ASTN2: variants seen among roughly 807,000 people sequenced by gnomAD.
ASTN2 encodes astrotactin-2.
In ASTN2, 54 loss-of-function variants were observed where a neutral mutation model predicts 139.8. The observed-to-expected ratio is 0.39, with a 90% CI of 0.31 to 0.48. The LOEUF (loss-of-function observed/expected upper bound fraction) is 0.48. ASTN2 is among the 20% of genes least tolerant of loss of function. ASTN2 has a pLI of 0.95. For synonymous variants in ASTN2, 756 were observed against 719.5 expected (o/e 1.05, Z -0.81); for missense variants, 1,565 against 1,725.1 (o/e 0.91, Z 1.64).
chr9:117,200,068 A>G (rs1333393750), intron 3 of ASTN2, among the ~76,000 whole-genome samples: 2 of 150,000 alleles, frequency 1.3e-5, no homozygotes, highest in African/African-American at 4.9e-5. Flanking sequence ...TTTTTTTATT[A>G]TTATTATTTT....
intron 10 of ASTN2, among the ~76,000 whole-genome samples, chr9:116,896,251 A>T (rs1163339911): frequency 6.6e-6 from 1 of 152,224 alleles, no homozygotes; most frequent in Non-Finnish European, 1.5e-5. Context: ...GGAATGGAGG[A>T]AAGCAAACAA....
rs187506799 is a variant in ASTN2 at position 116,975,829 on chromosome 9, G to A, written c.1751+285C>T. ...AGATTTTGTGGAGGTGGTGGGAAGA[G>A]GTTCTATGGTTACAGAGTATTTTTA... On this transcript the variant is annotated intron_variant, in intron 9 of 22. Coordinates refer to ENST00000313400, the MANE Select transcript of ASTN2 (RefSeq NM_001365068.1). 2.8e-3 allele frequency among the ~76,000 whole-genome samples: 432 copies of A among 152,322 alleles called. 1 individual carries two copies. The highest frequency in any genetic ancestry group is 0.01 in the African/African-American group (419 of 41,566).
At chr9:117,285,969 G>T (rs1834439351) in intron 2 of ASTN2, among the ~76,000 whole-genome samples, 1 of 151,536 alleles carries the variant, frequency 6.6e-6, no homozygotes, top group Non-Finnish European at 1.5e-5. Flanking sequence ...AGACAAAAGG[G>T]AAAAAACAAA....
At chr9:116,679,947 C>T (rs948833151) in intron 16 of ASTN2, among the ~76,000 whole-genome samples, 1 of 152,158 alleles carries the variant, frequency 6.6e-6, no homozygotes, top group Non-Finnish European at 1.5e-5. Flanking sequence ...GACACCCTAA[C>T]ATCACAATTA....
chr9:116,961,389 A>G (rs1835871490), intron 10 of ASTN2, among the ~76,000 whole-genome samples: 1 of 151,524 alleles, frequency 6.6e-6, no homozygotes, highest in East Asian at 2.0e-4. Flanking sequence ...CCCTCCCCCA[A>G]CTCTCCGCAA....
chr9:116,956,178 C>T (rs1588439491), intron 10 of ASTN2, among the ~76,000 whole-genome samples: 2 of 149,764 alleles, frequency 1.3e-5, no homozygotes, highest in South Asian at 4.2e-4. Context: ...TCACCGCAAC[C>T]TCTGCCTCCT....
intron 5 of ASTN2, among the ~76,000 whole-genome samples, chr9:117,059,791 C>A (rs1839184827): frequency 6.6e-6 from 1 of 152,108 alleles, no homozygotes; most frequent in African/African-American, 2.4e-5. Context: ...TTTACTTATT[C>A]TCTAATCAAC....
intron 7 of ASTN2, among the ~76,000 whole-genome samples, chr9:116,999,495 A>G (rs1837123362): frequency 6.8e-6 from 1 of 148,126 alleles, no homozygotes; most frequent in Non-Finnish European, 1.5e-5. Context: ...AGGGTTGAAG[A>G]TTGAAGGTTA....
At position 116,666,538 on chromosome 9, in the gene ASTN2, G is replaced by A. The variant is rs117827969; in HGVS notation, c.2807-14745C>T. ...AACTTAGAATTATGATAGACTGTCCGCTAGATCTTGTCATTAATAAAGATG... is the reference window on the plus strand; with the variant it reads ...AACTTAGAATTATGATAGACTGTCCACTAGATCTTGTCATTAATAAAGATG... On this transcript the variant is annotated intron_variant, in intron 16 of 22. Coordinates refer to ENST00000313400, the MANE Select transcript of ASTN2 (RefSeq NM_001365068.1). Among the ~76,000 whole-genome samples, 522 of 152,018 alleles carry A rather than the reference G, an allele frequency of 3.4e-3. 2 individuals carry two copies. Among genetic ancestry groups the A allele is most frequent in the Admixed American group, 7.0e-3 (107 of 15,272 alleles).
chr9:116,489,192 C>T (rs1456898450), intron 19 of ASTN2, among the ~76,000 whole-genome samples: 12 of 152,054 alleles, frequency 7.9e-5, no homozygotes, highest in Admixed American at 4.6e-4. Flanking sequence ...AGTGTTGGCT[C>T]GTGTTTCAGA....
chr9:117,307,272 C>G (rs888827718), intron 1 of ASTN2, among the ~76,000 whole-genome samples: 2 of 152,208 alleles, frequency 1.3e-5, no homozygotes, highest in African/African-American at 2.4e-5. Flanking sequence ...ATGGCTGTTT[C>G]CTCATACGCA....
chr9:116,981,315 T>C (rs772717272), intron 7 of ASTN2, among the ~76,000 whole-genome samples: 12 of 152,210 alleles, frequency 7.9e-5, no homozygotes, highest in Non-Finnish European at 1.6e-4. Context: ...ATGATTACCA[T>C]GAATTTAGGC....
rs780693391 is a variant in ASTN2 at position 117,414,832 on chromosome 9, AGCAGCAGCG to A, written c.98_106del (p.Pro33_Leu35del). 290 of 1,178,290 alleles carry A rather than the reference AGCAGCAGCG, an allele frequency of 2.5e-4. 2 individuals are homozygous for A. In the South Asian group the frequency reaches 3.8e-3, roughly 16 times the overall value. 73.0% of individuals were successfully genotyped at this position (1,178,290 alleles called of 1,614,324 possible). Reference sequence around the variant, plus strand: ...CGGCGGCAGCAGGAGCAGGAACAGCAGCAGCAGCGGCAGCAGTGGCGGCGGCCCCGGGTG... The same window carrying A: ...CGGCGGCAGCAGGAGCAGGAACAGCAGCAGCAGTGGCGGCGGCCCCGGGTG... On this transcript the variant is annotated inframe_deletion, in exon 1 of 23. Transcript: ENST00000313400. The surrounding 1 kb of genome is among the most constrained non-coding windows in gnomAD (Gnocchi z 4.2).
intron 17 of ASTN2, among the ~76,000 whole-genome samples, chr9:116,638,973 A>G (rs1037650788): frequency 2.6e-5 from 4 of 152,200 alleles, no homozygotes; most frequent in African/African-American, 4.8e-5. Context: ...AAATTATCTC[A>G]TGTTTGAGAT....
rs375215163 is a variant in ASTN2, at chr9:117,195,047, T to A, written c.1015+19311A>T. ...CACCTGCTATGTGCCAGGGATTGTT[T>A]TAAGCACAGAACAAACTTGGTACTG... On this transcript the variant is annotated intron_variant, in intron 3 of 22. Coordinates refer to ENST00000313400, the MANE Select transcript of ASTN2 (RefSeq NM_001365068.1). Among the ~76,000 whole-genome samples the A allele has an allele frequency of 2.6e-5, 4 of 152,176 alleles. No homozygotes were observed. The East Asian group carries it at 7.7e-4, about 29-fold the overall frequency.
chr9:117,184,687 T>G (rs1831153713), intron 3 of ASTN2, among the ~76,000 whole-genome samples: 1 of 152,172 alleles, frequency 6.6e-6, no homozygotes, highest in Admixed American at 6.5e-5. Context: ...CTACATACAC[T>G]GTTGGTCATG....
intron 17 of ASTN2, among the ~76,000 whole-genome samples, chr9:116,623,723 T>C (rs1414272068): frequency 6.6e-6 from 1 of 152,122 alleles, no homozygotes; most frequent in African/African-American, 2.4e-5. Flanking sequence ...AAATTACCCA[T>C]TGAAATGGAT....
Position 116,770,402 on chromosome 9 carries a change from C to T in ASTN2, c.2396+35230G>A, listed in dbSNP as rs116161730. Among the ~76,000 whole-genome samples the T allele has an allele frequency of 7.6e-3, 1,163 of 152,246 alleles. 15 individuals carry two copies. The highest frequency in any genetic ancestry group is 0.026 in the African/African-American group (1,098 of 41,534). ...AACAGCAGCTACCAGTTGCTGAGTG[C>T]GGGTTATGTGCCAGGTGCCTTATAT... On this transcript the variant is annotated intron_variant, in intron 13 of 22. Transcript: ENST00000313400.
chr9:117,291,404 G>A lies in ASTN2; in HGVS notation c.552C>T (p.Ala184=), dbSNP rs200481625. ...HVSMSSSGQL[A]QATAPTLQEP... ...CCTGGAGAGTGGGGGCGGTGGCTTG[G>A]GCCAGCTGCCCGGAGCTGCTCATGG... Residue 184 remains alanine (A), a synonymous_variant, in exon 2 of 23, where the codon GCC becomes GCT. Transcript: ENST00000313400. The A allele has an allele frequency of 1.9e-6, 3 of 1,614,088 alleles. No homozygotes were observed. Among genetic ancestry groups the A allele is most frequent in the Admixed American group, 1.7e-5 (1 of 60,002 alleles).
Sources: allele counts gnomAD v4.1 joint callset (sites outside exome capture counted in the v4.1 genomes callset), GRCh38; gene constraint gnomAD v4.1.1; non-coding constraint Gnocchi (gnomAD v3.1); transcripts MANE v1.5; gene names NCBI Gene and HGNC (gene_info 2026-07-23, HGNC 2026-07-21).